The following SOX6 variants were observed in gnomAD, a reference collection of about 807,000 sequenced individuals.
The protein encoded by SOX6 is transcription factor SOX-6.
Under a neutral mutation model 97.8 loss-of-function variants are expected in SOX6, and 11 were observed. That is an observed-to-expected ratio of 0.11 (90% confidence interval 0.07 to 0.19). The LOEUF (loss-of-function observed/expected upper bound fraction) is 0.19, where lower values mean the gene tolerates loss of function less well. SOX6 is among the 10% of genes least tolerant of loss of function. The pLI is 1.00. For missense variants in SOX6, 810 were observed against 1,039.5 expected (o/e 0.78, Z 3.04); for synonymous variants, 360 against 371.4 (o/e 0.97, Z 0.35).
At chr11:16,161,213 G>A (rs568938050) in intron 6 of SOX6, among the ~76,000 whole-genome samples, 1 of 152,142 alleles carries the variant, frequency 6.6e-6, no homozygotes, top group East Asian at 1.9e-4. Flanking sequence ...ATGAGCCAGT[G>A]TGAGTTGGCT....
At chr11:16,643,537 C>T (rs1356091012) in intron 3 of SOX6, among the ~76,000 whole-genome samples, 1 of 152,204 alleles carries the variant, frequency 6.6e-6, no homozygotes, top group Non-Finnish European at 1.5e-5. Context: ...GCAGGCAGGC[C>T]TCCTTGACCT....
At chr11:15,994,705 C>T (rs4466793) in intron 13 of SOX6, among the ~76,000 whole-genome samples, 14,072 of 152,082 alleles carry the variant, frequency 0.093, 1,346 homozygotes, top group East Asian at 0.36. Context: ...CCCATTAAAA[C>T]TTACATTTTG....
intron 8 of SOX6, 69 bp downstream of exon 8, chr11:16,097,540 T>C (rs1342710748): frequency 1.4e-5 from 18 of 1,323,742 alleles, no homozygotes; most frequent in African/African-American, 2.9e-5. Context: ...TTATTTAGCA[T>C]ACAGCTGGTT....
chr11:16,197,029 T>G (rs926538840), intron 4 of SOX6, among the ~76,000 whole-genome samples: 1 of 152,216 alleles, frequency 6.6e-6, no homozygotes, highest in Non-Finnish European at 1.5e-5. Flanking sequence ...AGATGGGGTT[T>G]CACCATGTTT....
Position 16,003,841 on chromosome 11 carries a change from T to C in SOX6, c.1732+11101A>G, listed in dbSNP as rs540012314. ...GTTGCGGTGTGGGACTCAGAGATTA[T>C]TGGTTCCAATCTTACTTCTTTGATT... On this transcript the variant is annotated intron_variant, in intron 13 of 15. Transcript: ENST00000683767. Among the ~76,000 whole-genome samples the C allele has an allele frequency of 5.3e-5, 8 of 152,126 alleles. No homozygotes were observed. The South Asian group carries it at 8.3e-4, about 16-fold the overall frequency.
At chr11:16,293,056 GA>G (rs1359090637) in intron 3 of SOX6, among the ~76,000 whole-genome samples, 5 of 152,126 alleles carry the variant, frequency 3.3e-5, no homozygotes, top group South Asian at 2.1e-4. Flanking sequence ...GCACAAAGGA[GA>G]AAAAAATCTA....
intron 3 of SOX6, among the ~76,000 whole-genome samples, chr11:16,239,787 C>T (rs1853130105): frequency 6.6e-6 from 1 of 151,862 alleles, no homozygotes; most frequent in South Asian, 2.1e-4. Flanking sequence ...TAATCTCGTG[C>T]CAGCTCCCCT....
chr11:16,560,910 T>C (rs1324913040), intron 4 of SOX6, among the ~76,000 whole-genome samples: 1 of 152,034 alleles, frequency 6.6e-6, no homozygotes, highest in Non-Finnish European at 1.5e-5. Context: ...TTTTAAGGTG[T>C]GGTAAGCTAT....
intron 2 of SOX6, among the ~76,000 whole-genome samples, chr11:16,726,466 C>G (rs185146744): frequency 5.3e-5 from 8 of 152,138 alleles, no homozygotes; most frequent in Admixed American, 5.2e-4. Flanking sequence ...AACTCTGTGA[C>G]TACATTAAAA....
At chr11:16,679,385 A>T (rs1470281447) in intron 3 of SOX6, among the ~76,000 whole-genome samples, 1 of 152,230 alleles carries the variant, frequency 6.6e-6, no homozygotes, top group African/African-American at 2.4e-5. Context: ...CCTGACTGTT[A>T]GAAGGAAAAC....
At chr11:16,691,529 G>A (rs1848013319) in intron 3 of SOX6, among the ~76,000 whole-genome samples, 1 of 152,220 alleles carries the variant, frequency 6.6e-6, no homozygotes, top group Non-Finnish European at 1.5e-5. Flanking sequence ...TGGGCATGGT[G>A]GCTCAGGCCT....
chr11:16,283,306 T>G (rs1156339447), intron 3 of SOX6, among the ~76,000 whole-genome samples: 1 of 150,224 alleles, frequency 6.7e-6, no homozygotes, highest in Non-Finnish European at 1.5e-5. Flanking sequence ...GACAACCTAC[T>G]TTTAAAAAAT....
intron 6 of SOX6, among the ~76,000 whole-genome samples, chr11:16,145,170 C>T (rs991272975): frequency 3.9e-5 from 6 of 152,110 alleles, no homozygotes; most frequent in Admixed American, 2.6e-4. Context: ...GTGGGCTTCA[C>T]CCCTGGGATG....
chr11:16,502,913 C>T (rs548740583), intron 4 of SOX6, among the ~76,000 whole-genome samples: 1 of 152,214 alleles, frequency 6.6e-6, no homozygotes, highest in Non-Finnish European at 1.5e-5. Context: ...CTCCACGGTA[C>T]ATTATAGTCA....
At chr11:16,455,995 TACCCCAAA>T in intron 1 of SOX6, among the ~76,000 whole-genome samples, 1 of 152,032 alleles carries the variant, frequency 6.6e-6, no homozygotes, top group African/African-American at 2.4e-5. Flanking sequence ...CAACTAAAAA[TACCCCAAA>T]TCAGCCATAA....
At chr11:16,334,984 T>C (rs1293136839) in intron 2 of SOX6, among the ~76,000 whole-genome samples, 1 of 152,240 alleles carries the variant, frequency 6.6e-6, no homozygotes, top group African/African-American at 2.4e-5. Context: ...TGTAAAAATA[T>C]AAAGGAAATC....
At chr11:16,061,533 G>A (rs562156644) in intron 9 of SOX6, among the ~76,000 whole-genome samples, 4 of 151,592 alleles carry the variant, frequency 2.6e-5, no homozygotes, top group African/African-American at 9.7e-5. Flanking sequence ...AATCAAATTA[G>A]AAAAAACAAT....
chr11:16,186,925 C>T lies in SOX6; in HGVS notation c.566G>A (p.Arg189Gln), dbSNP rs148951359. 1.4e-5 allele frequency: 23 copies of T among 1,613,636 alleles called. No individual in the cohort carries two copies. The highest frequency in any genetic ancestry group is 3.3e-5 in the Admixed American group (2 of 59,968). Reference protein sequence around the residue: ...GTPESLAEKERQLSTMITQLI... With the variant: ...GTPESLAEKEQQLSTMITQLI... ...CTGGGTAATCATGGTGGAGAGCTGC[C>T]GTTCTTTTTCTGCCAGGCTCTCAGG... Residue 189 changes from arginine (R) to glutamine (Q), a missense_variant, in exon 5 of 16, where the codon CGG becomes CAG. This residue lies in a region of SOX6 where 110 missense variants were observed against 119.0 expected (regional missense o/e 0.92). Coordinates refer to ENST00000683767, the MANE Select transcript of SOX6 (RefSeq NM_001367873.1).
At chr11:16,025,906 G>C (rs1242402055) in intron 12 of SOX6, among the ~76,000 whole-genome samples, 1 of 152,072 alleles carries the variant, frequency 6.6e-6, no homozygotes, top group Non-Finnish European at 1.5e-5. Flanking sequence ...GAAAAATAGG[G>C]AGCATGAGAA....
Sources: gnomAD v4.1 joint callset for allele counts (sites outside exome capture counted in the v4.1 genomes callset) on GRCh38, gnomAD v4.1.1 for gene constraint, gnomAD v4.1.1 regional missense constraint, MANE v1.5 for transcripts, NCBI Gene and HGNC (gene_info 2026-07-23, HGNC 2026-07-21) for gene names.